ARHGAP44: variants seen among roughly 807,000 people sequenced by gnomAD.
The protein encoded by ARHGAP44 is Rho GTPase activating protein 44.
ARHGAP44 carries 43 observed loss-of-function variants against 106.8 expected under a neutral mutation model. The observed-to-expected ratio is 0.40, with a 90% confidence interval of 0.32 to 0.52. ARHGAP44 has a LOEUF of 0.52. Among genes scored for constraint, ARHGAP44 ranks in the 20% least tolerant of loss-of-function variants. The probability of loss-of-function intolerance (pLI) is 0.48; values close to 1 mark genes in which losing one functional copy is unlikely to be tolerated. For missense variants in ARHGAP44, 866 were observed against 1,050.5 expected, an observed-to-expected ratio of 0.82 and a Z score of 2.43; for synonymous variants, 439 against 410.3, an observed-to-expected ratio of 1.07 and a Z score of -0.85.
At chr17:12,944,232 G>A in intron 10 of ARHGAP44, 36 bp downstream of exon 10, 1 of 1,557,772 alleles carries the variant, frequency 6.4e-7, no homozygotes, top group Non-Finnish European at 8.7e-7. Context: ...GCCCCGGGCA[G>A]GTCTCCTCTT....
At position 12,991,040 on chromosome 17, in the gene ARHGAP44, A is replaced by ATAAT. The variant is rs1486725429; in HGVS notation, c.*872_*875dup. 1 of 152,638 alleles carries ATAAT rather than the reference A, an allele frequency of 6.6e-6. No homozygotes were observed. Among genetic ancestry groups the ATAAT allele is most frequent in the Non-Finnish European group, 1.5e-5 (1 of 68,056 alleles). 9.5% of individuals were successfully genotyped at this position (152,638 alleles called of 1,614,324 possible). ...TTCTGGAGGTTCAAACTGAATAGCAATAATTACGTTACCCAAAGCATGTGG... is the reference window on the plus strand; with the variant it reads ...TTCTGGAGGTTCAAACTGAATAGCAATAATTAATTACGTTACCCAAAGCATGTGG... On this transcript the variant is annotated 3_prime_UTR_variant, in exon 21 of 21. Coordinates refer to ENST00000379672, the MANE Select transcript of ARHGAP44 (RefSeq NM_014859.6).
At chr17:12,843,082 G>A (rs1299799348) in intron 1 of ARHGAP44, among the ~76,000 whole-genome samples, 3 of 151,654 alleles carry the variant, frequency 2.0e-5, no homozygotes, top group Non-Finnish European at 4.4e-5. Flanking sequence ...GTCAGCAACG[G>A]CCTATGGTGG....
chr17:12,981,434 G>A (rs1315220691), intron 19 of ARHGAP44, among the ~76,000 whole-genome samples: 10 of 149,134 alleles, frequency 6.7e-5, no homozygotes, highest in Non-Finnish European at 1.3e-4. Context: ...TCTTGCTCTT[G>A]TGCCCCAGGC....
chr17:12,789,730 C>T lies in ARHGAP44; in HGVS notation c.-109C>T, dbSNP rs1403992662. 14 of 1,076,752 alleles carry T rather than the reference C, an allele frequency of 1.3e-5. No homozygotes were observed. In the South Asian group the frequency reaches 2.6e-4, roughly 20 times the overall value. The allele number at this position is 1,076,752 out of a possible 1,614,324, so 66.7% of individuals were successfully genotyped here. On this transcript the variant is annotated 5_prime_UTR_variant, in exon 1 of 21. Coordinates refer to ENST00000379672, the MANE Select transcript of ARHGAP44 (RefSeq NM_014859.6). The stretch of plus-strand genomic sequence containing the variant: ...ACGGCGCCCGGAGGCTCCGCAGTGC[C>T]GCCGCCGTCGCCCGGGAGGCTCCGC...
chr17:12,888,061 TC>T (rs2036933927), intron 1 of ARHGAP44, among the ~76,000 whole-genome samples: 1 of 152,086 alleles, frequency 6.6e-6, no homozygotes, highest in Non-Finnish European at 1.5e-5. Flanking sequence ...AAGAACTCGC[TC>T]TTTGAGTTTC....
At chr17:12,989,814 T>C (rs2040071417) in intron 20 of ARHGAP44, among the ~76,000 whole-genome samples, 1 of 152,194 alleles carries the variant, frequency 6.6e-6, no homozygotes, top group African/African-American at 2.4e-5. Context: ...TGGCGTATCC[T>C]GGGTGCTTTG....
Position 12,789,822 on chromosome 17 carries a change from G to C in ARHGAP44, c.-17G>C. 1 of 1,502,216 alleles carries C rather than the reference G, an allele frequency of 6.7e-7. No homozygotes were observed. Among genetic ancestry groups the C allele is most frequent in the Non-Finnish European group, 8.9e-7 (1 of 1,127,160 alleles). 93.1% of individuals were successfully genotyped at this position (1,502,216 alleles called of 1,614,324 possible). A position where few individuals can be genotyped will look rare whatever the true frequency, so the allele number is the denominator to read the frequency against. On this transcript the variant is annotated 5_prime_UTR_variant, in exon 1 of 21. Coordinates refer to ENST00000379672, the MANE Select transcript of ARHGAP44 (RefSeq NM_014859.6). ...GTCCTTCCCCAGCTCCCGGGCTAGC[G>C]CGGCAGCGGGGCCACGATGAAGAAG...
intron 1 of ARHGAP44, among the ~76,000 whole-genome samples, chr17:12,865,496 A>C (rs996601976): frequency 5.9e-5 from 9 of 152,154 alleles, no homozygotes; most frequent in Non-Finnish European, 1.0e-4. Context: ...AGAGGTCAGA[A>C]ATCAGTAGTG....
At chr17:12,799,802 G>T (rs1045421164) in intron 1 of ARHGAP44, among the ~76,000 whole-genome samples, 15 of 152,128 alleles carry the variant, frequency 9.9e-5, no homozygotes, top group African/African-American at 3.6e-4. Context: ...GCTAATTTTT[G>T]TATTTTTAGT....
intron 7 of ARHGAP44, among the ~76,000 whole-genome samples, chr17:12,932,329 A>G (rs2038425631): frequency 6.6e-6 from 1 of 152,162 alleles, no homozygotes; most frequent in African/African-American, 2.4e-5. Context: ...CACATTCTTA[A>G]TTTGGTGAAT....
chr17:12,957,522 T>C (rs894728521), intron 15 of ARHGAP44, among the ~76,000 whole-genome samples: 2 of 152,158 alleles, frequency 1.3e-5, no homozygotes, highest in African/African-American at 4.8e-5. Context: ...CACCTTTTGC[T>C]ACCCTAGGTT....
At chr17:12,793,844 C>T (rs1233683787) in intron 1 of ARHGAP44, among the ~76,000 whole-genome samples, 1 of 152,178 alleles carries the variant, frequency 6.6e-6, no homozygotes, top group African/African-American at 2.4e-5. Flanking sequence ...GGACAGCTGC[C>T]CTAACGCTGC....
At chr17:12,851,097 A>G (rs1164324337) in intron 1 of ARHGAP44, among the ~76,000 whole-genome samples, 1 of 152,194 alleles carries the variant, frequency 6.6e-6, no homozygotes, top group Admixed American at 6.5e-5. Context: ...GCATCAGCAG[A>G]ATGTGACTTG....
chr17:12,941,427 G>A (rs566134677), intron 8 of ARHGAP44, among the ~76,000 whole-genome samples: 2 of 152,148 alleles, frequency 1.3e-5, no homozygotes, highest in South Asian at 2.1e-4. Context: ...GATTGTCACA[G>A]TTGTGGAGGG....
At chr17:12,983,277 A>AAG (rs2039877179) in intron 19 of ARHGAP44, among the ~76,000 whole-genome samples, 1 of 150,740 alleles carries the variant, frequency 6.6e-6, no homozygotes, top group Non-Finnish European at 1.5e-5. Flanking sequence ...AAAAAAAAAA[A>AAG]AAAAAAAAAG....
intron 14 of ARHGAP44, 74 bp downstream of exon 14, chr17:12,956,054 C>T (rs2039119452): frequency 9.2e-7 from 1 of 1,083,978 alleles, no homozygotes; most frequent in Admixed American, 2.0e-5. Flanking sequence ...GGCAGGACAG[C>T]TGGGGCCTAG....
intron 1 of ARHGAP44, among the ~76,000 whole-genome samples, chr17:12,822,935 A>G (rs2034813328): frequency 1.3e-5 from 2 of 152,224 alleles, no homozygotes; most frequent in Admixed American, 1.3e-4. Flanking sequence ...TGTCTACTGC[A>G]CTGTGAAGAT....
At chr17:12,797,234 C>T (rs2033951818) in intron 1 of ARHGAP44, among the ~76,000 whole-genome samples, 1 of 152,118 alleles carries the variant, frequency 6.6e-6, no homozygotes. Context: ...TATAAATATG[C>T]ATGCATTTTT....
chr17:12,821,493 C>T (rs994407130), intron 1 of ARHGAP44, among the ~76,000 whole-genome samples: 5 of 152,128 alleles, frequency 3.3e-5, no homozygotes, highest in African/African-American at 1.2e-4. Flanking sequence ...TTTTATTATA[C>T]ATTGCACAAT....
Sources: allele counts gnomAD v4.1 joint callset (sites outside exome capture counted in the v4.1 genomes callset), GRCh38; gene constraint gnomAD v4.1.1; transcripts MANE v1.5; gene names NCBI Gene and HGNC (gene_info 2026-07-23, HGNC 2026-07-21).